The following MCC variants were observed in gnomAD, a reference collection of about 807,000 sequenced individuals.
MCC encodes MCC regulator of Wnt signaling pathway.
Under a neutral mutation model 116.2 loss-of-function variants are expected in MCC, and 90 were observed. The ratio of observed to expected loss-of-function variants is 0.77; its 90% confidence interval spans 0.65 to 0.92. MCC has a LOEUF of 0.92. MCC is among the 40% of genes least tolerant of loss of function. The pLI is 0.00. For missense variants in MCC, 1,516 were observed against 1,312.2 expected, an observed-to-expected ratio of 1.16 and a Z score of -2.40; for synonymous variants, 578 against 510.5, an observed-to-expected ratio of 1.13 and a Z score of -1.78.
At position 113,055,088 on chromosome 5, in the gene MCC, A is replaced by C. The variant is rs139415078; in HGVS notation, c.2214-1129T>G. ...GCAGAGGCCTACTGACCTTGCATCA[A>C]AACAGGCCAGGCTGTGTTGTCATGT... is the stretch of plus-strand genomic sequence containing the variant. On this transcript the variant is annotated intron_variant, in intron 14 of 18. Coordinates refer to ENST00000408903, the MANE Select transcript of MCC (RefSeq NM_001085377.2). Among the ~76,000 whole-genome samples the C allele has an allele frequency of 7.5e-3, 1,137 of 152,356 alleles. 39 individuals are homozygous for C. The highest frequency in any genetic ancestry group is 0.063 in the Admixed American group (960 of 15,308).
At position 113,026,786 on chromosome 5, in the gene MCC, G is replaced by A. The variant is rs1561726415; in HGVS notation, c.*516C>T. On this transcript the variant is annotated 3_prime_UTR_variant, in exon 19 of 19. Transcript: ENST00000408903. Reference sequence around the variant, plus strand: ...GCCTCTATCTTAAAGTTGAGACCCGGGACTTGGAAACCAAAGCCTTGCTGT... The same window carrying A: ...GCCTCTATCTTAAAGTTGAGACCCGAGACTTGGAAACCAAAGCCTTGCTGT... 1 of 153,880 alleles carries A rather than the reference G, an allele frequency of 6.5e-6. No individual in the cohort carries two copies. Among genetic ancestry groups the A allele is most frequent in the Non-Finnish European group, 1.4e-5 (1 of 69,384 alleles). The allele number at this position is 153,880 out of a possible 1,614,324, so 9.5% of individuals were successfully genotyped here.
intron 5 of MCC, among the ~76,000 whole-genome samples, chr5:113,134,229 C>A (rs1758652198): frequency 6.6e-6 from 1 of 152,118 alleles, no homozygotes; most frequent in African/African-American, 2.4e-5. Context: ...AGGTTTTAAT[C>A]TGCTCTGATT....
chr5:113,072,534 C>T (rs35458418), intron 11 of MCC, among the ~76,000 whole-genome samples: 2,136 of 152,334 alleles, frequency 0.014, 26 homozygotes, highest in Non-Finnish European at 0.023. Context: ...TCTCAGACAA[C>T]ACCCCACTGA....
chr5:113,419,167 T>C (rs1006750853), intron 1 of MCC, among the ~76,000 whole-genome samples: 1 of 150,074 alleles, frequency 6.7e-6, no homozygotes, highest in Admixed American at 6.6e-5. Flanking sequence ...TTTTTTTTCT[T>C]TCTTTTTTTT....
chr5:113,072,437 T>C (rs1413974214), intron 11 of MCC, among the ~76,000 whole-genome samples: 39 of 152,184 alleles, frequency 2.6e-4, no homozygotes, highest in Admixed American at 2.6e-3. Flanking sequence ...TTCAACTTGC[T>C]CCAGTCTACA....
chr5:113,111,313 T>A (rs1423622337), intron 6 of MCC, among the ~76,000 whole-genome samples: 3 of 152,146 alleles, frequency 2.0e-5, no homozygotes, highest in Non-Finnish European at 4.4e-5. Context: ...CTTTGGGTAT[T>A]CCAGTTTCCC....
chr5:113,023,732 A>ATGTT lies in MCC; in HGVS notation c.*3566_*3569dup. The ATGTT allele has an allele frequency of 6.6e-6, 1 of 152,350 alleles. No individual in the cohort carries two copies. 9.4% of individuals were successfully genotyped at this position (152,350 alleles called of 1,614,324 possible). A position where few individuals can be genotyped will look rare whatever the true frequency, so the allele number is the denominator to read the frequency against. ...TATGGAGGAAAGGACACTTTCAGAG[A>ATGTT]TGTTTATTTTTTAATAGTCATCTTG... On this transcript the variant is annotated 3_prime_UTR_variant, in exon 19 of 19. Transcript: ENST00000408903.
At chr5:113,340,767 T>C (rs1209944321) in intron 2 of MCC, 37 bp from the exon 3 acceptor site, 1 of 1,573,594 alleles carries the variant, frequency 6.4e-7, no homozygotes, top group Non-Finnish European at 8.7e-7. Context: ...GAAAAGACAT[T>C]TCCTTCATTA....
In MCC at chr5:113,372,804, A is replaced by G. The variant is rs375559404; in HGVS notation, c.415+12164T>C. 5.3e-5 allele frequency among the ~76,000 whole-genome samples: 8 copies of G among 152,188 alleles called. No individual in the cohort carries two copies. In the East Asian group the frequency reaches 7.8e-4, roughly 15 times the overall value. ...ACTCCCCGGGCTCAAGCAGTCACCTACCCTGGCCTCCCAAAGTGATGGGAT... is the reference window on the plus strand; with the variant it reads ...ACTCCCCGGGCTCAAGCAGTCACCTGCCCTGGCCTCCCAAAGTGATGGGAT... On this transcript the variant is annotated intron_variant, in intron 2 of 18. Transcript: ENST00000408903.
chr5:113,409,483 C>G (rs1301204564), intron 1 of MCC, among the ~76,000 whole-genome samples: 2 of 151,968 alleles, frequency 1.3e-5, no homozygotes, highest in Non-Finnish European at 2.9e-5. Context: ...TCCCAATTAG[C>G]TGGAACCACA....
At chr5:113,246,944 A>G (rs1764600487) in intron 3 of MCC, among the ~76,000 whole-genome samples, 1 of 152,212 alleles carries the variant, frequency 6.6e-6, no homozygotes, top group East Asian at 1.9e-4. Context: ...CAAAAACTGA[A>G]GCTAGGAGAG....
At chr5:113,220,732 A>G (rs137888410) in intron 3 of MCC, among the ~76,000 whole-genome samples, 1 of 152,360 alleles carries the variant, frequency 6.6e-6, no homozygotes, top group East Asian at 1.9e-4. Context: ...TAGATACCGT[A>G]GGATTTTCTA....
intron 8 of MCC, among the ~76,000 whole-genome samples, chr5:113,090,137 C>T (rs1216762107): frequency 6.6e-6 from 1 of 151,364 alleles, no homozygotes; most frequent in Non-Finnish European, 1.5e-5. Context: ...CTGTGTGGAG[C>T]TGGCAGGAGT....
intron 1 of MCC, among the ~76,000 whole-genome samples, chr5:113,386,814 T>TACGCATACACAC (rs553531423): frequency 4.0e-5 from 6 of 149,714 alleles, no homozygotes; most frequent in Non-Finnish European, 7.4e-5. Context: ...CATATACACA[T>TACGCATACACAC]ACACATATAT....
At chr5:113,221,339 A>T (rs1192852337) in intron 3 of MCC, among the ~76,000 whole-genome samples, 4 of 152,228 alleles carry the variant, frequency 2.6e-5, no homozygotes, top group Admixed American at 2.6e-4. Flanking sequence ...TCTGCTTCTA[A>T]CCTTCAAGCT....
chr5:113,230,649 G>A (rs952583510), intron 3 of MCC, among the ~76,000 whole-genome samples: 3 of 152,088 alleles, frequency 2.0e-5, no homozygotes, highest in African/African-American at 7.2e-5. Context: ...AGTCTAATTT[G>A]GAAAAAGGTT....
At position 113,469,134 on chromosome 5, in the gene MCC, C is replaced by G. The variant is rs1408873840; in HGVS notation, c.170+19111G>C. Among the ~76,000 whole-genome samples the G allele has an allele frequency of 3.9e-5, 6 of 152,140 alleles. No homozygotes were observed. In the East Asian group the frequency reaches 1.2e-3, roughly 29 times the overall value. ...TTTGTTGACCTTTTCAAAAAACCAGCTCCTGGATTCATTAATTTTTTGAAG... is the reference window on the plus strand; with the variant it reads ...TTTGTTGACCTTTTCAAAAAACCAGGTCCTGGATTCATTAATTTTTTGAAG... On this transcript the variant is annotated intron_variant, in intron 1 of 18. Transcript: ENST00000408903.
At chr5:113,420,059 GA>G (rs1247940932) in intron 1 of MCC, among the ~76,000 whole-genome samples, 4 of 148,408 alleles carry the variant, frequency 2.7e-5, no homozygotes, top group South Asian at 2.1e-4. Context: ...AAAAAGAAAA[GA>G]AAAAAAGGTG....
chr5:113,274,204 C>T (rs1765726419), intron 3 of MCC, among the ~76,000 whole-genome samples: 1 of 152,198 alleles, frequency 6.6e-6, no homozygotes, highest in African/African-American at 2.4e-5. Flanking sequence ...GTAGCAATTA[C>T]AGTGGAGCAT....
Sources: allele counts gnomAD v4.1 joint callset (sites outside exome capture counted in the v4.1 genomes callset), GRCh38; gene constraint gnomAD v4.1.1; transcripts MANE v1.5; gene names NCBI Gene and HGNC (gene_info 2026-07-23, HGNC 2026-07-21).